Variants in SRRM4 observed in about 807,000 individuals in gnomAD.
SRRM4 encodes the protein serine/arginine repetitive matrix 4.
Under a neutral mutation model 68.9 loss-of-function variants are expected in SRRM4, and 33 were observed. The observed-to-expected ratio is 0.48, with a 90% CI of 0.36 to 0.64. SRRM4 has a LOEUF of 0.64. SRRM4 is among the 30% of genes least tolerant of loss of function. The pLI, the probability that SRRM4 is intolerant of heterozygous loss-of-function variation, is 0.00. For missense variants in SRRM4, 817 were observed against 827.1 expected (o/e 0.99, Z 0.15); for synonymous variants, 318 against 318.8 (o/e 1.00, Z 0.03).
intron 1 of SRRM4, among the ~76,000 whole-genome samples, chr12:119,055,668 A>G (rs1178784328): frequency 6.6e-6 from 1 of 152,204 alleles, no homozygotes; most frequent in African/African-American, 2.4e-5. Flanking sequence ...GTCATGAGTA[A>G]TAAGAAGGAG....
rs572195876 is a variant in SRRM4, at chr12:119,073,825, G to A, written c.132-28411G>A. 2.2e-4 allele frequency among the ~76,000 whole-genome samples: 33 copies of A among 151,774 alleles called. 1 individual carries two copies. Among genetic ancestry groups the A allele is most frequent in the Admixed American group, 9.8e-4 (15 of 15,238 alleles). The stretch of plus-strand genomic sequence containing the variant: ...TAATAGATAAATAGACATAGGTCTC[G>A]CTATGTTGCCCAGGCTGGTTTCTAA... On this transcript the variant is annotated intron_variant, in intron 1 of 12. Coordinates refer to ENST00000267260, the MANE Select transcript of SRRM4 (RefSeq NM_194286.4).
Position 119,157,211 on chromosome 12 carries a change from C to T in SRRM4, c.*413C>T, listed in dbSNP as rs1195922186. 2 of 180,596 alleles carry T rather than the reference C, an allele frequency of 1.1e-5. No individual in the cohort carries two copies. The highest frequency in any genetic ancestry group is 2.3e-5 in the Non-Finnish European group (2 of 86,446). 11.2% of individuals were successfully genotyped at this position (180,596 alleles called of 1,614,324 possible). ...TCTCCCCACCTCCCCGGATGCCCCACTAGTCCAACTTCATGGCTGCACGTG... is the reference window on the plus strand; with the variant it reads ...TCTCCCCACCTCCCCGGATGCCCCATTAGTCCAACTTCATGGCTGCACGTG... On this transcript the variant is annotated 3_prime_UTR_variant, in exon 13 of 13. Coordinates refer to ENST00000267260, the MANE Select transcript of SRRM4 (RefSeq NM_194286.4). This position sits in a 1 kb window ranked among gnomAD's most constrained non-coding sequence, Gnocchi z 4.1.
At chr12:119,133,642 A>C (rs1954311075) in intron 8 of SRRM4, among the ~76,000 whole-genome samples, 1 of 152,130 alleles carries the variant, frequency 6.6e-6, no homozygotes, top group African/African-American at 2.4e-5. Flanking sequence ...TCCAGATTGG[A>C]TCAAAGGTTT....
In SRRM4 at chr12:119,050,386, C is replaced by T. The variant is rs78347213; in HGVS notation, c.132-51850C>T. ...GATGATAATGATGAACAAGACAGGG[C>T]TCTGCTTTCAAGGGCCTCTTGGGGA... On this transcript the variant is annotated intron_variant, in intron 1 of 12. Transcript: ENST00000267260. 1.8e-4 allele frequency among the ~76,000 whole-genome samples: 27 copies of T among 152,314 alleles called. No individual in the cohort carries two copies. In the East Asian group the frequency reaches 3.7e-3, roughly 21 times the overall value.
At chr12:119,023,995 A>G (rs911640372) in intron 1 of SRRM4, among the ~76,000 whole-genome samples, 2 of 148,184 alleles carry the variant, frequency 1.3e-5, no homozygotes, top group Non-Finnish European at 3.0e-5. Flanking sequence ...ATTCTCTCTC[A>G]TTGTACTCTT....
rs1404532073 is a variant in SRRM4 at position 119,158,325 on chromosome 12, G to A, written c.*1527G>A. 2 of 152,756 alleles carry A rather than the reference G, an allele frequency of 1.3e-5. No individual in the cohort carries two copies. The highest frequency in any genetic ancestry group is 4.1e-4 in the South Asian group (2 of 4,820). 9.5% of individuals were successfully genotyped at this position (152,756 alleles called of 1,614,324 possible). On this transcript the variant is annotated 3_prime_UTR_variant, in exon 13 of 13. Coordinates refer to ENST00000267260, the MANE Select transcript of SRRM4 (RefSeq NM_194286.4). Reference sequence around the variant, plus strand: ...CAGCTTTTGGATATTTTGGGTTATGGGGAAGCAAGGGCCAAACATTCTTTA... The same window carrying A: ...CAGCTTTTGGATATTTTGGGTTATGAGGAAGCAAGGGCCAAACATTCTTTA...
At chr12:119,102,578 TCAGCCATTGCAGTGCAAAAAA>T (rs1346547811) in intron 2 of SRRM4, among the ~76,000 whole-genome samples, 196 bp downstream of exon 2, 3 of 152,206 alleles carry the variant, frequency 2.0e-5, no homozygotes, top group South Asian at 2.1e-4. Context: ...ACTACTCAAC[TCAGCCATTGCAGTGCAAAAAA>T]CAGCCATAGG....
At chr12:119,033,715 C>T (rs951619552) in intron 1 of SRRM4, among the ~76,000 whole-genome samples, 3 of 150,546 alleles carry the variant, frequency 2.0e-5, no homozygotes, top group Non-Finnish European at 4.4e-5. Context: ...GTGTTTCTTT[C>T]TCCACCTTAC....
chr12:119,111,156 C>G (rs2136046380), intron 2 of SRRM4, among the ~76,000 whole-genome samples: 1 of 152,340 alleles, frequency 6.6e-6, no homozygotes, highest in South Asian at 2.1e-4. Context: ...TATATTTCAT[C>G]ACTGTATTTA....
chr12:119,105,018 G>C (rs1954098446), intron 2 of SRRM4, among the ~76,000 whole-genome samples: 2 of 128,624 alleles, frequency 1.6e-5, no homozygotes, highest in Admixed American at 1.0e-4. Flanking sequence ...CCCATCCTGT[G>C]TCCAAGTGTT....
Position 119,153,539 on chromosome 12 carries a change from G to A in SRRM4, c.1281G>A (p.Arg427=). Residue 427 remains arginine, a splice_region_variant and synonymous_variant, in exon 11 of 13, where the codon AGG becomes AGA. Coordinates refer to ENST00000267260, the MANE Select transcript of SRRM4 (RefSeq NM_194286.4). ...TQSRSTSSEK[R]SYSRSPSYSS... ...TCAGAGGCTGTTACCTCTCCCCCAG[G>A]TCCTACTCCCGCTCTCCCAGCTATT... The A allele has an allele frequency of 6.4e-7, 1 of 1,563,246 alleles. No individual in the cohort carries two copies. Among genetic ancestry groups the A allele is most frequent in the Non-Finnish European group, 8.7e-7 (1 of 1,153,922 alleles).
At position 118,981,632 on chromosome 12, in the gene SRRM4, T is replaced by C; in HGVS notation, c.-251T>C. The C allele has an allele frequency of 2.2e-6, 1 of 451,930 alleles. No individual in the cohort carries two copies. The highest frequency in any genetic ancestry group is 2.0e-5 in the African/African-American group (1 of 50,168). The allele number at this position is 451,930 out of a possible 1,614,324, so 28.0% of individuals were successfully genotyped here. A position where few individuals can be genotyped will look rare whatever the true frequency, so the allele number is the denominator to read the frequency against. On this transcript the variant is annotated 5_prime_UTR_variant, in exon 1 of 13. Coordinates refer to ENST00000267260, the MANE Select transcript of SRRM4 (RefSeq NM_194286.4). ...CCTTCCCTTCTTGGGGCGCAGAGGC[T>C]CAGCCAGCTCAGAGCGCAGCCTGGA...
chr12:119,119,524 T>A (rs988823677), intron 4 of SRRM4, among the ~76,000 whole-genome samples: 2 of 151,710 alleles, frequency 1.3e-5, no homozygotes, highest in Non-Finnish European at 2.9e-5. Context: ...GGCCTCCAAC[T>A]GGAGCACTGA....
chr12:119,161,478 G>C lies in SRRM4; in HGVS notation c.*4680G>C, dbSNP rs1954513332. On this transcript the variant is annotated 3_prime_UTR_variant, in exon 13 of 13. Transcript: ENST00000267260. ...TGCTGTTTTTGGAGTAAAAGTTTCT[G>C]TGTGTGTTTTTTTAGTTCTTTTGAT... 1 of 152,200 alleles carries C rather than the reference G, an allele frequency of 6.6e-6. No homozygotes were observed. Among genetic ancestry groups the C allele is most frequent in the African/African-American group, 2.4e-5 (1 of 41,448 alleles). The allele number at this position is 152,200 out of a possible 1,614,324, so 9.4% of individuals were successfully genotyped here.
At chr12:119,051,725 T>G (rs1953743871) in intron 1 of SRRM4, among the ~76,000 whole-genome samples, 1 of 152,236 alleles carries the variant, frequency 6.6e-6, no homozygotes, top group African/African-American at 2.4e-5. Flanking sequence ...TGGTTTTTTT[T>G]GTTTAATCTC....
chr12:119,047,577 A>G lies in SRRM4; in HGVS notation c.132-54659A>G, dbSNP rs369270090. Among the ~76,000 whole-genome samples the G allele has an allele frequency of 7.9e-5, 12 of 152,280 alleles. No homozygotes were observed. In the East Asian group the frequency reaches 1.9e-3, roughly 24 times the overall value. On this transcript the variant is annotated intron_variant, in intron 1 of 12. Coordinates refer to ENST00000267260, the MANE Select transcript of SRRM4 (RefSeq NM_194286.4). ...TAAGCTCGCATTTGTGAGTTAAAAC[A>G]TTAATCATTTATTCTCACTTGTGCA...
rs138462487 is a variant in SRRM4 at position 119,108,317 on chromosome 12, G to C, written c.278+5935G>C. Among the ~76,000 whole-genome samples the C allele has an allele frequency of 2.5e-3, 382 of 152,326 alleles. 7 individuals are homozygous for C. In the East Asian group the frequency reaches 0.037, roughly 15 times the overall value. ...CTGATTTGGGGTGGAGAGTTCTGTA[G>C]ATGTCTATTAGGTCTGCTTGGTGCA... On this transcript the variant is annotated intron_variant, in intron 2 of 12. Coordinates refer to ENST00000267260, the MANE Select transcript of SRRM4 (RefSeq NM_194286.4).
intron 8 of SRRM4, among the ~76,000 whole-genome samples, chr12:119,137,878 G>T (rs192012641): frequency 8.2e-4 from 125 of 152,178 alleles, no homozygotes; most frequent in Non-Finnish European, 1.4e-3. Flanking sequence ...GTCCAAGAGG[G>T]ATTAAAAAGG....
At chr12:119,115,514 T>G (rs1375769253) in intron 3 of SRRM4, among the ~76,000 whole-genome samples, 1 of 152,128 alleles carries the variant, frequency 6.6e-6, no homozygotes. Context: ...TCTGATGACT[T>G]GGGCTTCAAC....
Sources: gnomAD v4.1 joint callset for allele counts (sites outside exome capture counted in the v4.1 genomes callset) on GRCh38, gnomAD v4.1.1 for gene constraint, Gnocchi (gnomAD v3.1) non-coding constraint, MANE v1.5 for transcripts, NCBI Gene and HGNC (gene_info 2026-07-23, HGNC 2026-07-21) for gene names.